Variants in TPO observed in about 807,000 individuals in gnomAD.
TPO encodes the protein thyroid peroxidase, also known as thyroid microsomal antigen.
A neutral mutation model predicts 96.9 loss-of-function variants in TPO; 78 were observed. The ratio of observed to expected loss-of-function variants is 0.81; its 90% CI spans 0.67 to 0.97. The LOEUF is 0.97. Among genes scored for constraint, TPO ranks in the 50% least tolerant of loss-of-function variants. TPO has a pLI of 0.00. For missense variants in TPO, 1,252 were observed against 1,274.8 expected, an observed-to-expected ratio of 0.98 and a Z score of 0.27; for synonymous variants, 547 against 538.0, an observed-to-expected ratio of 1.02 and a Z score of -0.23.
At chr2:1,414,963 G>C (rs894901522) in intron 2 of TPO, among the ~76,000 whole-genome samples, 3 of 152,250 alleles carry the variant, frequency 2.0e-5, no homozygotes, top group African/African-American at 7.2e-5. Context: ...CAAACCCTGA[G>C]AACAAGTTTC....
intron 5 of TPO, chr2:1,439,158 G>T (rs894380327): frequency 4.3e-5 from 14 of 324,722 alleles, no homozygotes; most frequent in African/African-American, 2.7e-4. Context: ...CTGCTGTCTT[G>T]GGCGCCTCTG....
At position 1,404,037 on chromosome 2, in the gene TPO, A is replaced by T. The variant is rs77520163; in HGVS notation, n.180+29635A>T. ...TATGCAATCTTGCGTGAACTTATGC[A>T]TGGAGCGGAGAATCTAATGTACCCA... is the stretch of plus-strand genomic sequence containing the variant. On this transcript the variant is annotated intron_variant and non_coding_transcript_variant, in intron 1 of 5. Coordinates refer to the TPO transcript ENST00000497517. Among the ~76,000 whole-genome samples the T allele has an allele frequency of 6.6e-5, 10 of 152,342 alleles. No individual in the cohort carries two copies. The East Asian group carries it at 1.2e-3, about 18-fold the overall frequency.
chr2:1,450,206 G>T (rs563648765), intron 5 of TPO, among the ~76,000 whole-genome samples: 1 of 152,212 alleles, frequency 6.6e-6, no homozygotes, highest in African/African-American at 2.4e-5. Flanking sequence ...GGCACTCAGC[G>T]TGTCCATGTG....
At chr2:1,531,019 CTA>C (rs1204066510) in intron 15 of TPO, among the ~76,000 whole-genome samples, 2 of 121,592 alleles carry the variant, frequency 1.6e-5, no homozygotes, top group Non-Finnish European at 3.3e-5. Context: ...CAACCTCACC[CTA>C]TCTTTCCCAC....
At chr2:1,464,302 T>C (rs1385480384) in intron 7 of TPO, among the ~76,000 whole-genome samples, 1 of 152,362 alleles carries the variant, frequency 6.6e-6, no homozygotes, top group African/African-American at 2.4e-5. Context: ...CATTGATTGA[T>C]GGGCATTTGG....
At chr2:1,451,740 C>A (rs2148573300) in intron 5 of TPO, among the ~76,000 whole-genome samples, 1 of 152,280 alleles carries the variant, frequency 6.6e-6, no homozygotes, top group South Asian at 2.1e-4. Flanking sequence ...CAATGTTAGA[C>A]CCAAAACAAT....
rs1333487230 is a variant in TPO, at chr2:1,436,257, T to G, written c.355T>G (p.Leu119Val). ...TGGTTTCCTATTTTTCACAGATGCT[T>G]TATCAGAAGATCTGCTGAGCATCAT... Reference protein sequence around the residue: ...TQQSQHPTDALSEDLLSIIAN... With the variant: ...TQQSQHPTDAVSEDLLSIIAN... Residue 119 changes from leucine (L) to valine (V), a missense_variant, in exon 5 of 17, where the codon TTA becomes GTA. By Grantham distance (32) the Leu-to-Val change is conservative. Coordinates refer to ENST00000329066, the MANE Select transcript of TPO (RefSeq NM_001206744.2). 2 of 1,614,204 alleles carry G rather than the reference T, an allele frequency of 1.2e-6. No individual in the cohort carries two copies. Among genetic ancestry groups the G allele is most frequent in the South Asian group, 2.2e-5 (2 of 91,072 alleles).
chr2:1,512,201 TTTTTG>T (rs1674219038), intron 14 of TPO, among the ~76,000 whole-genome samples: 1 of 152,132 alleles, frequency 6.6e-6, no homozygotes, highest in African/African-American at 2.4e-5. Context: ...GCCCGGCTAA[TTTTTG>T]TTTTTGTATT....
intron 3 of TPO, among the ~76,000 whole-genome samples, chr2:1,429,392 G>A (rs973478338): frequency 2.0e-5 from 3 of 152,162 alleles, no homozygotes; most frequent in Non-Finnish European, 2.9e-5. Flanking sequence ...CAAGTCTCAG[G>A]TATTTCTTTA....
chr2:1,470,678 A>G lies in TPO; in HGVS notation c.820-6408A>G, dbSNP rs530521718. ...CATTTAAAAAAGCCATGGTGAGAGC[A>G]GCATCTGCCTCTGTTCCTAGATAAA... On this transcript the variant is annotated intron_variant, in intron 7 of 16. Transcript: ENST00000329066. Among the ~76,000 whole-genome samples, 4 of 152,298 alleles carry G rather than the reference A, an allele frequency of 2.6e-5. No individual in the cohort carries two copies. In the South Asian group the frequency reaches 8.3e-4, roughly 32 times the overall value.
At chr2:1,524,930 ACCT>A (rs767302170) in intron 15 of TPO, among the ~76,000 whole-genome samples, 3 of 84,404 alleles carry the variant, frequency 3.6e-5, no homozygotes, top group African/African-American at 1.5e-4. Flanking sequence ...GCTGTGTGCA[ACCT>A]CCTCAAATCC....
chr2:1,390,629 A>G (rs181225767), intron 1 of TPO, among the ~76,000 whole-genome samples: 278 of 152,290 alleles, frequency 1.8e-3, no homozygotes, highest in African/African-American at 6.3e-3. Flanking sequence ...TGGTTGAACT[A>G]ATTTACACTC....
chr2:1,484,902 T>C, intron 9 of TPO, 48 bp downstream of exon 9: 2 of 1,602,438 alleles, frequency 1.2e-6, no homozygotes, highest in Admixed American at 1.7e-5. Flanking sequence ...CTCTTCCTTC[T>C]TTTTTTAATT....
intron 6 of TPO, among the ~76,000 whole-genome samples, 178 bp from the exon 7 acceptor site, chr2:1,455,898 G>A (rs1283354397): frequency 2.0e-5 from 3 of 152,088 alleles, no homozygotes. Flanking sequence ...TCAAGTCCAG[G>A]GGCATCTGTC....
At chr2:1,483,501 C>T (rs1670833415) in intron 8 of TPO, among the ~76,000 whole-genome samples, 1 of 152,226 alleles carries the variant, frequency 6.6e-6, no homozygotes, top group African/African-American at 2.4e-5. Flanking sequence ...AGCACACGGA[C>T]CTTCTCACGC....
At chr2:1,491,838 G>A (rs987216149) in intron 10 of TPO, among the ~76,000 whole-genome samples, 2 of 152,186 alleles carry the variant, frequency 1.3e-5, no homozygotes, top group Admixed American at 6.5e-5. Flanking sequence ...AGCACTTCCC[G>A]GTGGCTTTGA....
intron 7 of TPO, among the ~76,000 whole-genome samples, chr2:1,464,455 T>C (rs534800643): frequency 1.3e-5 from 2 of 152,340 alleles, no homozygotes; most frequent in Non-Finnish European, 2.9e-5. Flanking sequence ...CTACTTTTAG[T>C]TCTTTAAGGA....
upstream of TPO, among the ~76,000 whole-genome samples, chr2:1,411,030 C>T (rs1442841448): frequency 2.0e-5 from 3 of 151,910 alleles, no homozygotes; most frequent in South Asian, 2.1e-4. Context: ...GTGATAGCCT[C>T]GGGTTTTCCA....
In TPO at chr2:1,433,600, T is replaced by C. The variant is rs150078365; in HGVS notation, c.342T>C (p.His114=). 3.3e-5 allele frequency: 53 copies of C among 1,613,558 alleles called. No homozygotes were observed. The African/African-American group carries it at 6.4e-4, about 20-fold the overall frequency. The part of the protein sequence containing the change: ...KVNLKTQQSQ[H]PTDALSEDLL... ...ACCTGAAAACTCAACAATCACAGCA[T>C]CCAACGGGTAATGTGTGCCCCTCTC... Residue 114 remains histidine, a synonymous_variant, in exon 4 of 17, where the codon CAT becomes CAC. Coordinates refer to ENST00000329066, the MANE Select transcript of TPO (RefSeq NM_001206744.2).
Sources: gnomAD v4.1 joint callset for allele counts (sites outside exome capture counted in the v4.1 genomes callset) on GRCh38, gnomAD v4.1.1 for gene constraint, MANE v1.5 for transcripts, NCBI Gene and HGNC (gene_info 2026-07-23, HGNC 2026-07-21) for gene names.